KNDC1: variants seen among roughly 807,000 people sequenced by gnomAD.
KNDC1 encodes the protein kinase non-catalytic C-lobe domain containing 1, also known as kinase non-catalytic C-lobe domain-containing protein 1.
Under a neutral mutation model 172.8 loss-of-function variants are expected in KNDC1, and 106 were observed. The observed-to-expected ratio is 0.61, with a 90% CI of 0.52 to 0.72. The LOEUF is 0.72. Ranked by LOEUF, KNDC1 falls within the 30% of genes least tolerant of loss-of-function variation. KNDC1 has a pLI of 0.00. For synonymous variants in KNDC1, 1,083 were observed against 1,062.2 expected (o/e 1.02, Z -0.38); for missense variants, 2,325 against 2,394.5 (o/e 0.97, Z 0.61).
chr10:133,177,370 TTGTGCACA>T (rs1853569079), intron 3 of KNDC1, among the ~76,000 whole-genome samples: 1 of 152,104 alleles, frequency 6.6e-6, no homozygotes, highest in Non-Finnish European at 1.5e-5. Flanking sequence ...TGTCTGTGGG[TTGTGCACA>T]CGTATGCAGT....
Position 133,186,353 on chromosome 10 carries a change from A to G in KNDC1, c.1005A>G (p.Glu335=). The change falls in exon 6 of 30, where the codon GAA becomes GAG. Residue 335 remains glutamate, a synonymous_variant. Coordinates refer to ENST00000304613, the MANE Select transcript of KNDC1 (RefSeq NM_152643.8). ...TRGKSQLPIS[E]LFSPDPRKAF... is the part of the protein sequence containing the mutation. ...GGAAAAGCCAGCTGCCCATATCGGA[A>G]TTATTCTCTCCGGACCCCAGGAAGG... 1 of 1,612,726 alleles carries G rather than the reference A, an allele frequency of 6.2e-7. No homozygotes were observed. Among genetic ancestry groups the G allele is most frequent in the South Asian group, 1.1e-5 (1 of 91,076 alleles).
chr10:133,199,254 G>A lies in KNDC1; in HGVS notation c.2746G>A (p.Ala916Thr). ...FDGYLDNGLEALIMGEYIFAL... is the reference protein window; with the variant it reads ...FDGYLDNGLETLIMGEYIFAL... Reference sequence around the variant, plus strand: ...TGGCTACCTGGACAATGGGCTGGAGGCTCTGATCATGGGTACGTGGGGGCC... The same window carrying A: ...TGGCTACCTGGACAATGGGCTGGAGACTCTGATCATGGGTACGTGGGGGCC... The change falls in exon 14 of 30, where the codon GCT becomes ACT. Residue 916 changes from alanine (A) to threonine (T), a missense_variant. By Grantham distance (58) the Ala-to-Thr change is moderately conservative. Transcript: ENST00000304613. 6.4e-7 allele frequency: 1 copy of A among 1,560,398 alleles called. No homozygotes were observed. The highest frequency in any genetic ancestry group is 8.7e-7 in the Non-Finnish European group (1 of 1,150,572).
Position 133,160,529 on chromosome 10 carries a change from T to A in KNDC1, c.62T>A (p.Phe21Tyr), listed in dbSNP as rs773433898. The A allele has an allele frequency of 1.9e-6, 3 of 1,588,590 alleles. No individual in the cohort carries two copies. In the African/African-American group the frequency reaches 4.1e-5, roughly 21 times the overall value. The change falls in exon 1 of 30, where the codon TTC becomes TAC. Residue 21 changes from phenylalanine (F) to tyrosine (Y), a missense_variant. Physicochemically the swap from Phe to Tyr is conservative, Grantham distance 22. Transcript: ENST00000304613. Reference protein sequence around the residue: ...LYEEDGKDLDFYDFEPLPTLP... With the variant: ...LYEEDGKDLDYYDFEPLPTLP... ...GAGGAGGACGGCAAAGACCTGGACT[T>A]CTACGACTTCGAGCCGCTGCCCACC...
At chr10:133,184,220 C>T (rs1564882788) in intron 5 of KNDC1, among the ~76,000 whole-genome samples, 1 of 62,678 alleles carries the variant, frequency 1.6e-5, no homozygotes, top group African/African-American at 3.4e-5. Flanking sequence ...TGCACACACC[C>T]ATGCACACAC....
At chr10:133,181,757 GCTGT>G (rs1355650586) in intron 3 of KNDC1, among the ~76,000 whole-genome samples, 1 of 152,044 alleles carries the variant, frequency 6.6e-6, no homozygotes, top group Non-Finnish European at 1.5e-5. Context: ...TGCGTGTCCA[GCTGT>G]CTGTGTGTGC....
chr10:133,222,072 A>G lies in KNDC1; in HGVS notation c.5018+1960A>G, dbSNP rs979681031. Among the ~76,000 whole-genome samples the G allele has an allele frequency of 3.3e-5, 5 of 150,582 alleles. 1 individual carries two copies. Among genetic ancestry groups the G allele is most frequent in the Non-Finnish European group, 7.4e-5 (5 of 67,652 alleles). On this transcript the variant is annotated intron_variant, in intron 29 of 29. Coordinates refer to ENST00000304613, the MANE Select transcript of KNDC1 (RefSeq NM_152643.8). Reference sequence around the variant, plus strand: ...CGAGGCGGGCGGATCACTTGAGGTCAGGAGTTCAAGACCAGCCTGGCCAAC... The same window carrying G: ...CGAGGCGGGCGGATCACTTGAGGTCGGGAGTTCAAGACCAGCCTGGCCAAC...
At chr10:133,162,722 C>T (rs920545730) in intron 1 of KNDC1, among the ~76,000 whole-genome samples, 2 of 152,270 alleles carry the variant, frequency 1.3e-5, no homozygotes, top group African/African-American at 4.8e-5. Flanking sequence ...CTGGCAAGGA[C>T]GGCGCAGCAG....
At chr10:133,179,223 G>A (rs1291239674) in intron 3 of KNDC1, 1 of 121,234 alleles carries the variant, frequency 8.2e-6, no homozygotes, top group Non-Finnish European at 1.9e-5. Flanking sequence ...CCTTCTATGG[G>A]GTTCCTGCCC....
At chr10:133,221,805 G>C (rs796783386) in intron 29 of KNDC1, among the ~76,000 whole-genome samples, 2 of 152,076 alleles carry the variant, frequency 1.3e-5, no homozygotes, top group South Asian at 2.1e-4. Flanking sequence ...GGCCAGACGC[G>C]GCGGCTCACG....
Position 133,224,068 on chromosome 10 carries a change from G to A in KNDC1, c.5019-591G>A, listed in dbSNP as rs1199445858. 6.6e-6 allele frequency among the ~76,000 whole-genome samples: 1 copy of A among 152,072 alleles called. No homozygotes were observed. Among genetic ancestry groups the A allele is most frequent in the Non-Finnish European group, 1.5e-5 (1 of 68,026 alleles). ...GCCCATCCAGGCTTGGCCTTTCTTT[G>A]CCGTAATGGACGCCCCTTTCTTTGT... On this transcript the variant is annotated intron_variant, in intron 29 of 29. Coordinates refer to ENST00000304613, the MANE Select transcript of KNDC1 (RefSeq NM_152643.8). The surrounding 1 kb of genome is among the most constrained non-coding windows in gnomAD (Gnocchi z 5.4).
intron 1 of KNDC1, among the ~76,000 whole-genome samples, chr10:133,164,893 G>A (rs1162721932): frequency 6.6e-6 from 1 of 152,188 alleles, no homozygotes; most frequent in East Asian, 1.9e-4. Context: ...CTCTCGTCCT[G>A]TCCTGGCCTC....
At position 133,222,454 on chromosome 10, in the gene KNDC1, T is replaced by TGC. The variant is rs202178964; in HGVS notation, c.5019-2204_5019-2203insCG. Among the ~76,000 whole-genome samples the TGC allele has an allele frequency of 4.0e-3, 311 of 78,330 alleles. 3 individuals carry two copies. The highest frequency in any genetic ancestry group is 0.012 in the African/African-American group (290 of 24,676). The allele number at this position is 78,330 out of a possible 152,430, so 51.4% of individuals were successfully genotyped here. A position where few individuals can be genotyped will look rare whatever the true frequency, so the allele number is the denominator to read the frequency against. ...AGGCATGCTCTTCCCGGCGTGTGTG[T>TGC]GTGTGTGTGAGAGCCCATCCAGGCA... On this transcript the variant is annotated intron_variant, in intron 29 of 29. Transcript: ENST00000304613.
intron 9 of KNDC1, among the ~76,000 whole-genome samples, chr10:133,191,272 G>A (rs376055186): frequency 3.3e-5 from 5 of 151,768 alleles, no homozygotes; most frequent in East Asian, 3.9e-4. Context: ...GTGTGGTGGC[G>A]CATGCCTGTA....
intron 3 of KNDC1, among the ~76,000 whole-genome samples, chr10:133,181,344 TC>T (rs767115228): frequency 6.6e-6 from 1 of 151,696 alleles, no homozygotes; most frequent in Non-Finnish European, 1.5e-5. Flanking sequence ...GGCTGGCAGG[TC>T]CCCCCCGGAT....
intron 6 of KNDC1, among the ~76,000 whole-genome samples, chr10:133,186,925 T>G (rs1042557216): frequency 6.6e-6 from 1 of 152,118 alleles, no homozygotes. Context: ...AGCAGCCGCC[T>G]CCTCAGCCCT....
Position 133,201,575 on chromosome 10 carries a change from T to G in KNDC1, c.3064T>G (p.Ser1022Ala). 6.2e-7 allele frequency: 1 copy of G among 1,612,808 alleles called. No individual in the cohort carries two copies. The highest frequency in any genetic ancestry group is 8.5e-7 in the Non-Finnish European group (1 of 1,179,906). The part of the protein sequence containing the change: ...CSPTSVSDVD[S>A]DALSRGNFEV... ...ACCCACCTCGGTGTCGGATGTGGAC[T>G]CGGACGCACTGTCACGGGGAAACTT... The change falls in exon 17 of 30, where the codon TCG (serine) becomes GCG (alanine). Residue 1022 changes from serine to alanine, a missense_variant. Transcript: ENST00000304613.
chr10:133,166,264 C>T (rs1282511591), intron 1 of KNDC1, among the ~76,000 whole-genome samples: 1 of 152,206 alleles, frequency 6.6e-6, no homozygotes, highest in Non-Finnish European at 1.5e-5. Flanking sequence ...CTCACGGGCC[C>T]CACCCATAGT....
chr10:133,197,885 TC>T, intron 12 of KNDC1, 117 bp downstream of exon 12: 1 of 866,994 alleles, frequency 1.2e-6, no homozygotes, highest in Non-Finnish European at 1.9e-6. Context: ...GGGAAGCAAG[TC>T]CAGAGCTCGG....
At chr10:133,168,918 C>T (rs1853278107) in intron 3 of KNDC1, among the ~76,000 whole-genome samples, 1 of 152,210 alleles carries the variant, frequency 6.6e-6, no homozygotes, top group African/African-American at 2.4e-5. Context: ...CAGCCCAGCG[C>T]CTTGAGGTCA....
Sources: allele counts gnomAD v4.1 joint callset (sites outside exome capture counted in the v4.1 genomes callset), GRCh38; gene constraint gnomAD v4.1.1; non-coding constraint Gnocchi (gnomAD v3.1); transcripts MANE v1.5; gene names NCBI Gene and HGNC (gene_info 2026-07-23, HGNC 2026-07-21).